The following RPTOR variants were observed in gnomAD, a reference collection of about 807,000 sequenced individuals.
RPTOR encodes regulatory-associated protein of mTOR.
In RPTOR, 21 loss-of-function variants were observed where a neutral mutation model predicts 169.9. The observed-to-expected ratio is 0.12, with a 90% CI of 0.09 to 0.18. The LOEUF (loss-of-function observed/expected upper bound fraction) is 0.18, where lower values mean the gene tolerates loss of function less well. RPTOR is among the 10% of genes least tolerant of loss of function. RPTOR has a pLI of 1.00. For synonymous variants in RPTOR, 732 were observed against 753.2 expected (o/e 0.97, Z 0.46); for missense variants, 1,133 against 1,855.9 (o/e 0.61, Z 7.16).
chr17:80,771,567 C>G (rs919846023), intron 6 of RPTOR, among the ~76,000 whole-genome samples: 1 of 152,146 alleles, frequency 6.6e-6, no homozygotes, highest in African/African-American at 2.4e-5. Flanking sequence ...CTAGAACGCC[C>G]CCTCTCCTTC....
chr17:80,835,454 C>A (rs1162035106), intron 9 of RPTOR, among the ~76,000 whole-genome samples: 1 of 152,164 alleles, frequency 6.6e-6, no homozygotes, highest in African/African-American at 2.4e-5. Context: ...GATCATCACT[C>A]GGTTTCCACA....
intron 9 of RPTOR, among the ~76,000 whole-genome samples, chr17:80,830,555 C>T (rs1361582869): frequency 3.9e-5 from 6 of 152,206 alleles, no homozygotes; most frequent in Non-Finnish European, 5.9e-5. Context: ...CTGCGCCCCA[C>T]GGTGCCCCCG....
At chr17:80,867,709 T>A (rs117497067) in intron 13 of RPTOR, among the ~76,000 whole-genome samples, 199 of 152,282 alleles carry the variant, frequency 1.3e-3, no homozygotes, top group Non-Finnish European at 2.5e-3. Context: ...TCAATTTATG[T>A]ATATACACTA....
At chr17:80,727,676 C>T (rs1487926879) in intron 4 of RPTOR, among the ~76,000 whole-genome samples, 1 of 152,220 alleles carries the variant, frequency 6.6e-6, no homozygotes, top group Non-Finnish European at 1.5e-5. Flanking sequence ...GGGCCATGTG[C>T]TCAGCTACAA....
Position 80,922,719 on chromosome 17 carries a change from C to T in RPTOR, c.2521-5C>T, listed in dbSNP as rs780414659. 8 of 1,582,096 alleles carry T rather than the reference C, an allele frequency of 5.1e-6. No individual in the cohort carries two copies. The highest frequency in any genetic ancestry group is 1.2e-5 in the South Asian group (1 of 86,886). On this transcript the variant is annotated splice_region_variant and splice_polypyrimidine_tract_variant and intron_variant, in intron 21 of 33. Coordinates refer to ENST00000306801, the MANE Select transcript of RPTOR (RefSeq NM_020761.3). Reference sequence around the variant, plus strand: ...ACCTTCACACCCCCATTCCTTTGCCCCTAGGCCACCGTGAACGCCCGGCCG... The same window carrying T: ...ACCTTCACACCCCCATTCCTTTGCCTCTAGGCCACCGTGAACGCCCGGCCG...
intron 1 of RPTOR, among the ~76,000 whole-genome samples, chr17:80,604,781 A>G (rs911853272): frequency 6.6e-6 from 1 of 152,128 alleles, no homozygotes; most frequent in African/African-American, 2.4e-5. Flanking sequence ...ATCTTGTGAG[A>G]CTTATTCACC....
intron 1 of RPTOR, among the ~76,000 whole-genome samples, chr17:80,606,739 G>A (rs1293865389): frequency 6.6e-6 from 1 of 152,086 alleles, no homozygotes; most frequent in Non-Finnish European, 1.5e-5. Flanking sequence ...GTTCACTACT[G>A]TTTACCTGTC....
chr17:80,911,096 G>T (rs1263712851), intron 21 of RPTOR, among the ~76,000 whole-genome samples: 1 of 152,198 alleles, frequency 6.6e-6, no homozygotes, highest in Non-Finnish European at 1.5e-5. Context: ...CTCCCAAAGT[G>T]CTGGGATTAC....
intron 7 of RPTOR, among the ~76,000 whole-genome samples, chr17:80,799,013 T>A (rs1398612025): frequency 1.3e-5 from 2 of 152,182 alleles, no homozygotes; most frequent in Non-Finnish European, 2.9e-5. Context: ...TGTGCCGGCA[T>A]GACCTCCCTG....
At chr17:80,837,393 T>C (rs2067576125) in intron 9 of RPTOR, among the ~76,000 whole-genome samples, 1 of 152,106 alleles carries the variant, frequency 6.6e-6, no homozygotes, top group Non-Finnish European at 1.5e-5. Flanking sequence ...GACGGCACCA[T>C]CACAGCGCAG....
intron 7 of RPTOR, among the ~76,000 whole-genome samples, chr17:80,807,020 A>C (rs2067225257): frequency 6.6e-6 from 1 of 152,212 alleles, no homozygotes; most frequent in South Asian, 2.1e-4. Flanking sequence ...TTTATCATCA[A>C]GATATGTCAC....
At chr17:80,949,035 C>T (rs1199709438) in intron 27 of RPTOR, among the ~76,000 whole-genome samples, 1 of 152,168 alleles carries the variant, frequency 6.6e-6, no homozygotes, top group Non-Finnish European at 1.5e-5. Context: ...CTCCCTGGCA[C>T]AGGCTGGCTC....
chr17:80,919,878 C>T (rs1259810163), intron 21 of RPTOR, among the ~76,000 whole-genome samples: 1 of 152,248 alleles, frequency 6.6e-6, no homozygotes, highest in Non-Finnish European at 1.5e-5. Context: ...GGCATGTTTG[C>T]ACACCCTTGA....
chr17:80,730,568 G>A lies in RPTOR; in HGVS notation c.516G>A (p.Thr172=), dbSNP rs747545472. Residue 172 remains threonine (T), a synonymous_variant, in exon 5 of 34, where the codon ACG becomes ACA. Transcript: ENST00000306801. This position sits in a 1 kb window ranked among gnomAD's most constrained non-coding sequence, Gnocchi z 4.2. ...CTTTGTGTGTTTTCTAGAACTACAC[G>A]CAGTACATCCCTCTGTCCATATATG... is the stretch of plus-strand genomic sequence containing the variant. The part of the protein sequence containing the change: ...GEVWVFNKNY[T]QYIPLSIYDL... 9.3e-6 allele frequency: 15 copies of A among 1,613,652 alleles called. No homozygotes were observed. Among genetic ancestry groups the A allele is most frequent in the South Asian group, 7.7e-5 (7 of 91,080 alleles).
chr17:80,621,316 G>C (rs1289482720), intron 1 of RPTOR, among the ~76,000 whole-genome samples: 3 of 152,196 alleles, frequency 2.0e-5, no homozygotes, highest in African/African-American at 7.2e-5. Context: ...TAATTAACTA[G>C]AGCTACTCAT....
At chr17:80,913,475 C>T (rs935111538) in intron 21 of RPTOR, among the ~76,000 whole-genome samples, 8 of 151,184 alleles carry the variant, frequency 5.3e-5, no homozygotes, top group African/African-American at 1.5e-4. Flanking sequence ...TGTTTTGAGA[C>T]AGGGTCTCAC....
intron 3 of RPTOR, among the ~76,000 whole-genome samples, chr17:80,680,240 T>G (rs2065888108): frequency 6.6e-6 from 1 of 152,218 alleles, no homozygotes; most frequent in African/African-American, 2.4e-5. Flanking sequence ...ATCTCAAGTC[T>G]AGAACCCCCT....
intron 3 of RPTOR, among the ~76,000 whole-genome samples, chr17:80,644,033 A>G (rs573804647): frequency 6.6e-6 from 1 of 152,380 alleles, no homozygotes; most frequent in African/African-American, 2.4e-5. Context: ...TGCATTGGAC[A>G]GTCCAACTTA....
intron 3 of RPTOR, among the ~76,000 whole-genome samples, chr17:80,662,001 C>T (rs1166527641): frequency 6.6e-6 from 1 of 152,184 alleles, no homozygotes; most frequent in Non-Finnish European, 1.5e-5. Flanking sequence ...AAGCTTAGAA[C>T]ACCCGTTTTT....
Sources: allele counts gnomAD v4.1 joint callset (sites outside exome capture counted in the v4.1 genomes callset), GRCh38; gene constraint gnomAD v4.1.1; non-coding constraint Gnocchi (gnomAD v3.1); transcripts MANE v1.5; gene names NCBI Gene and HGNC (gene_info 2026-07-23, HGNC 2026-07-21).